HRH2: variants seen among roughly 807,000 people sequenced by gnomAD.
HRH2 encodes histamine H2 receptor.
Under a neutral mutation model 20.1 loss-of-function variants are expected in HRH2, and 4 were observed. The ratio of observed to expected loss-of-function variants is 0.20; its 90% CI spans 0.10 to 0.45. The LOEUF is 0.45. Among genes scored for constraint, HRH2 ranks in the 20% least tolerant of loss-of-function variants. The pLI, the probability that HRH2 is intolerant of heterozygous loss-of-function variation, is 0.99. For synonymous variants in HRH2, 197 were observed against 200.7 expected (o/e 0.98, Z 0.16); for missense variants, 250 against 461.6 (o/e 0.54, Z 4.20).
intron 2 of HRH2, among the ~76,000 whole-genome samples, chr5:175,685,073 G>A (rs1756123725): frequency 6.6e-6 from 1 of 152,138 alleles, no homozygotes; most frequent in South Asian, 2.1e-4. Flanking sequence ...AATCAAGGAG[G>A]CCATAGATCT....
intron 1 of HRH2, among the ~76,000 whole-genome samples, chr5:175,679,138 A>C (rs1755867073): frequency 6.6e-6 from 1 of 152,132 alleles, no homozygotes; most frequent in South Asian, 2.1e-4. Context: ...CTTCTTCACC[A>C]CCAGATGGAA....
intron 1 of HRH2, among the ~76,000 whole-genome samples, chr5:175,662,521 C>T (rs568799738): frequency 6.6e-6 from 1 of 152,314 alleles, no homozygotes; most frequent in African/African-American, 2.4e-5. Context: ...CAGGTAGCCA[C>T]AGGTGTTTAC....
At chr5:175,689,172 C>T (rs1410117658) in intron 2 of HRH2, among the ~76,000 whole-genome samples, 1 of 152,212 alleles carries the variant, frequency 6.6e-6, no homozygotes, top group Non-Finnish European at 1.5e-5. Flanking sequence ...GGATTATACT[C>T]CACTTCTCCT....
At chr5:175,704,572 C>G (rs1036649824) in intron 2 of HRH2, among the ~76,000 whole-genome samples, 1 of 152,072 alleles carries the variant, frequency 6.6e-6, no homozygotes, top group African/African-American at 2.4e-5. Flanking sequence ...CACTTCTATT[C>G]AACATATTAC....
intron 2 of HRH2, chr5:175,685,370 G>T (rs1756134964): frequency 2.0e-6 from 3 of 1,531,784 alleles, no homozygotes; most frequent in Admixed American, 2.0e-5. Context: ...GCACATAGAA[G>T]TTGCTCAATA....
At chr5:175,671,195 C>T (rs1414080167) in intron 1 of HRH2, among the ~76,000 whole-genome samples, 1 of 152,158 alleles carries the variant, frequency 6.6e-6, no homozygotes, top group East Asian at 1.9e-4. Context: ...TAGAAAGTTC[C>T]CAGGAGCCAG....
intron 2 of HRH2, chr5:175,685,335 T>A: frequency 4.3e-6 from 6 of 1,397,954 alleles, no homozygotes; most frequent in Non-Finnish European, 5.9e-6. Context: ...AAAGAGCAAA[T>A]GAAAGAATGC....
chr5:175,709,771 C>G lies in HRH2; in HGVS notation c.*1800C>G, dbSNP rs1369264811. 6.5e-6 allele frequency: 1 copy of G among 152,850 alleles called. No individual in the cohort carries two copies. Among genetic ancestry groups the G allele is most frequent in the African/African-American group, 2.4e-5 (1 of 41,398 alleles). The allele number at this position is 152,850 out of a possible 1,614,324, so 9.5% of individuals were successfully genotyped here. A position where few individuals can be genotyped will look rare whatever the true frequency, so the allele number is the denominator to read the frequency against. On this transcript the variant is annotated 3_prime_UTR_variant, in exon 3 of 3. Transcript: ENST00000636584. ...GCACTCTCGCCCCCACCCAGTCCAC[C>G]CCCTACCTGACAGCCAGAGTGGGCC...
chr5:175,680,982 A>T (rs1391672700), intron 1 of HRH2, among the ~76,000 whole-genome samples: 1 of 152,164 alleles, frequency 6.6e-6, no homozygotes, highest in Non-Finnish European at 1.5e-5. Context: ...TTTTCTAATT[A>T]TAAGAGAGGC....
chr5:175,668,474 G>A (rs774178502), intron 1 of HRH2, among the ~76,000 whole-genome samples: 5 of 152,132 alleles, frequency 3.3e-5, no homozygotes, highest in Non-Finnish European at 5.9e-5. Context: ...CCCCATACAC[G>A]TGTCAACTCC....
At chr5:175,692,230 G>T (rs1275724802) in intron 2 of HRH2, among the ~76,000 whole-genome samples, 3 of 152,258 alleles carry the variant, frequency 2.0e-5, no homozygotes, top group Non-Finnish European at 4.4e-5. Context: ...GTACATAAAT[G>T]GATGGAGATG....
At chr5:175,685,117 C>T (rs1307812640) in intron 2 of HRH2, among the ~76,000 whole-genome samples, 3 of 151,956 alleles carry the variant, frequency 2.0e-5, no homozygotes, top group South Asian at 2.1e-4. Context: ...GTTCAGAGTG[C>T]GGGAGATGCA....
chr5:175,667,017 CAT>C (rs143167989), intron 1 of HRH2, among the ~76,000 whole-genome samples: 3 of 150,304 alleles, frequency 2.0e-5, no homozygotes, highest in African/African-American at 7.4e-5. Context: ...CAAATAAAGG[CAT>C]ATATATATAT....
chr5:175,683,080 C>T lies in HRH2; in HGVS notation c.-154C>T. 1 of 947,066 alleles carries T rather than the reference C, an allele frequency of 1.1e-6. No individual in the cohort carries two copies. The highest frequency in any genetic ancestry group is 1.7e-5 in the South Asian group (1 of 59,804). The allele number at this position is 947,066 out of a possible 1,614,324, so 58.7% of individuals were successfully genotyped here. On this transcript the variant is annotated 5_prime_UTR_variant, in exon 2 of 3. Transcript: ENST00000636584. ...CAGAGTCAGTCATTGAAGCCTTCCC[C>T]ACCCCCTGGCCAAAAAAAAAAAAAA...
intron 1 of HRH2, among the ~76,000 whole-genome samples, chr5:175,658,701 C>T (rs1379078087): frequency 6.6e-6 from 1 of 150,838 alleles, no homozygotes; most frequent in Non-Finnish European, 1.5e-5. Context: ...CGCTGGGCTG[C>T]CGCCCGCTGC....
chr5:175,685,561 G>T (rs1271767490), intron 2 of HRH2: 1 of 1,338,270 alleles, frequency 7.5e-7, no homozygotes, highest in Non-Finnish European at 1.0e-6. Flanking sequence ...GATTTTTTGG[G>T]TTTATGGTGA....
chr5:175,659,629 G>C (rs1762675089), intron 1 of HRH2, among the ~76,000 whole-genome samples: 1 of 152,184 alleles, frequency 6.6e-6, no homozygotes, highest in African/African-American at 2.4e-5. Flanking sequence ...GGTAGGAAGT[G>C]CCTGTTCAGA....
rs1755800593 is a variant in HRH2, at chr5:175,677,554, C to T, written c.-525-5155C>T. Among the ~76,000 whole-genome samples, 1 of 152,166 alleles carries T rather than the reference C, an allele frequency of 6.6e-6. No homozygotes were observed. Among genetic ancestry groups the T allele is most frequent in the African/African-American group, 2.4e-5 (1 of 41,446 alleles). ...GGCAGCCACTCTGGGCTTGGAGAGGCTTGTCTTCCTTGCAACACTAAAATA... is the reference window on the plus strand; with the variant it reads ...GGCAGCCACTCTGGGCTTGGAGAGGTTTGTCTTCCTTGCAACACTAAAATA... On this transcript the variant is annotated intron_variant, in intron 1 of 2. Transcript: ENST00000636584. This position sits in a 1 kb window ranked among gnomAD's most constrained non-coding sequence, Gnocchi z 4.2.
At chr5:175,696,267 G>A (rs1351537010) in intron 2 of HRH2, among the ~76,000 whole-genome samples, 1 of 152,238 alleles carries the variant, frequency 6.6e-6, no homozygotes, top group Non-Finnish European at 1.5e-5. Context: ...TGAAAAGTTC[G>A]AGCAGCAGGG....
Sources: gnomAD v4.1 joint callset for allele counts (sites outside exome capture counted in the v4.1 genomes callset) on GRCh38, gnomAD v4.1.1 for gene constraint, Gnocchi (gnomAD v3.1) non-coding constraint, MANE v1.5 for transcripts, NCBI Gene and HGNC (gene_info 2026-07-23, HGNC 2026-07-21) for gene names.